The following BOD1 variants were observed in gnomAD, a reference collection of about 807,000 sequenced individuals.
The protein encoded by BOD1 is biorientation of chromosomes in cell division protein 1.
In BOD1, 11 loss-of-function variants were observed where a neutral mutation model predicts 15.7. The ratio of observed to expected loss-of-function variants is 0.70; its 90% confidence interval spans 0.44 to 1.16. The LOEUF is 1.16. Ranked by LOEUF, BOD1 falls within the 50% of genes most tolerant of loss-of-function variation. BOD1 has a pLI of 0.00. For missense variants in BOD1, 182 were observed against 244.5 expected, an observed-to-expected ratio of 0.74 and a Z score of 1.70; for synonymous variants, 105 against 103.5, an observed-to-expected ratio of 1.01 and a Z score of -0.09.
chr5:173,608,928 A>G (rs1431208530), intron 3 of BOD1, among the ~76,000 whole-genome samples: 4 of 152,224 alleles, frequency 2.6e-5, no homozygotes, highest in Admixed American at 1.3e-4. Context: ...AGACTCATTT[A>G]AACATTTCAG....
At chr5:173,609,736 T>A (rs1437812972) in intron 2 of BOD1, 4 of 319,280 alleles carry the variant, frequency 1.3e-5, no homozygotes, top group Non-Finnish European at 2.3e-5. Context: ...AATGACAGCA[T>A]GGTGAGAAAG....
rs371205653 is a variant in BOD1, at chr5:173,614,314, C to T, written c.238-1059G>A. Among the ~76,000 whole-genome samples, 12 of 152,246 alleles carry T rather than the reference C, an allele frequency of 7.9e-5. No homozygotes were observed. In the East Asian group the frequency reaches 1.2e-3, roughly 15 times the overall value. On this transcript the variant is annotated intron_variant, in intron 1 of 3. Coordinates refer to ENST00000311086, the MANE Select transcript of BOD1 (RefSeq NM_138369.3). ...ATAACGCACCTGGTTTGAGATGATA[C>T]GAACTGTTTACCGAAAAAGGACAAA...
chr5:173,614,880 T>A (rs1200877589), intron 1 of BOD1: 2 of 152,224 alleles, frequency 1.3e-5, no homozygotes, highest in African/African-American at 2.4e-5. Context: ...CGCATGAATG[T>A]CTTTGAGGGC....
intron 2 of BOD1, 140 bp downstream of exon 2, chr5:173,612,991 A>G: frequency 8.6e-7 from 1 of 1,165,326 alleles, no homozygotes; most frequent in Non-Finnish European, 1.2e-6. Context: ...TAATTATAAC[A>G]AAAGAGCAGA....
chr5:173,609,403 T>A lies in BOD1; in HGVS notation c.394A>T (p.Ile132Phe). 1 of 1,614,214 alleles carries A rather than the reference T, an allele frequency of 6.2e-7. No individual in the cohort carries two copies. The highest frequency in any genetic ancestry group is 1.6e-4 in the Middle Eastern group (1 of 6,062). Residue 132 changes from isoleucine to phenylalanine, a missense_variant, in exon 3 of 4, where the codon ATT becomes TTT. This residue lies in a region of BOD1 where 70 missense variants were observed against 130.3 expected (regional missense o/e 0.54). Coordinates refer to ENST00000311086, the MANE Select transcript of BOD1 (RefSeq NM_138369.3). ...SGMLEAGVDR[I>F]ISQVVDPKLN... is the part of the protein sequence containing the mutation. Reference sequence around the variant, plus strand: ...TTTGGATCCACCACCTGAGAAATAATCCTGTCTACTCCAGCTTCCAACATC... The same window carrying A: ...TTTGGATCCACCACCTGAGAAATAAACCTGTCTACTCCAGCTTCCAACATC...
intron 2 of BOD1, 31 bp downstream of exon 2, chr5:173,613,099 CT>C (rs1755397645): frequency 6.7e-7 from 1 of 1,492,428 alleles, no homozygotes; most frequent in Non-Finnish European, 9.0e-7. Context: ...TGATGACTGC[CT>C]TTTCAAAAGC....
At chr5:173,616,060 C>T in intron 1 of BOD1, 140 bp downstream of exon 1, 3 of 1,051,994 alleles carry the variant, frequency 2.9e-6, no homozygotes, top group Non-Finnish European at 4.1e-6. Context: ...GCTCTCCGTA[C>T]TGCCCCAAGC....
rs1415094459 is a variant in BOD1 at position 173,607,419 on chromosome 5, A to T, written c.*875T>A. ...AGTTTCATAGTTCCAAGTTATATGTACCAATCTTCACTGCCAGTAGATCAT... is the reference window on the plus strand; with the variant it reads ...AGTTTCATAGTTCCAAGTTATATGTTCCAATCTTCACTGCCAGTAGATCAT... On this transcript the variant is annotated 3_prime_UTR_variant, in exon 4 of 4. Transcript: ENST00000311086. 6.6e-6 allele frequency: 1 copy of T among 152,242 alleles called. No homozygotes were observed. The allele number at this position is 152,242 out of a possible 1,614,324, so 9.4% of individuals were successfully genotyped here.
Position 173,609,169 on chromosome 5 carries a change from A to G in BOD1, c.*1+69T>C. 5 of 1,439,802 alleles carry G rather than the reference A, an allele frequency of 3.5e-6. No homozygotes were observed. In the South Asian group the frequency reaches 6.9e-5, roughly 20 times the overall value. The allele number at this position is 1,439,802 out of a possible 1,614,324, so 89.2% of individuals were successfully genotyped here. ...ATGATCCTCAATTACGGCCTACCCCATTCCTATCCATTTTACATATCTACA... is the reference window on the plus strand; with the variant it reads ...ATGATCCTCAATTACGGCCTACCCCGTTCCTATCCATTTTACATATCTACA... On this transcript the variant is annotated intron_variant, in intron 3 of 3. Coordinates refer to ENST00000311086, the MANE Select transcript of BOD1 (RefSeq NM_138369.3).
Position 173,616,593 on chromosome 5 carries a change from C to T in BOD1, c.-157G>A. The stretch of plus-strand genomic sequence containing the variant: ...ATGGCGGCAGGGGCGGTGGTGGGGG[C>T]GGCGGCGGCGAAGGCCCCCTCTGAT... On this transcript the variant is annotated 5_prime_UTR_variant, in exon 1 of 4. Transcript: ENST00000311086. The T allele has an allele frequency of 2.2e-6, 3 of 1,348,374 alleles. No individual in the cohort carries two copies. Among genetic ancestry groups the T allele is most frequent in the Admixed American group, 4.0e-5 (1 of 24,768 alleles). The allele number at this position is 1,348,374 out of a possible 1,614,324, so 83.5% of individuals were successfully genotyped here.
chr5:173,610,509 C>T (rs181557766), intron 2 of BOD1, among the ~76,000 whole-genome samples: 90 of 152,286 alleles, frequency 5.9e-4, no homozygotes, highest in African/African-American at 2.0e-3. Flanking sequence ...AAATACACCA[C>T]CACTAGAGCA....
chr5:173,616,112 T>C, intron 1 of BOD1, 88 bp downstream of exon 1: 4 of 1,493,956 alleles, frequency 2.7e-6, no homozygotes, highest in Non-Finnish European at 3.6e-6. Context: ...CTATCTTTTG[T>C]TTTGCTCTCG....
Position 173,609,318 on chromosome 5 carries a change from TG to T in BOD1, c.478del (p.Gln160ArgfsTer34). On this transcript the variant is annotated frameshift_variant, in exon 3 of 4. Coordinates refer to ENST00000311086, the MANE Select transcript of BOD1 (RefSeq NM_138369.3). LOFTEE classifies it high-confidence loss of function. ...GGGTGCTGGCACAGCTGCTTTTTTC[TG>T]GGCCGCCAGGAACTCATGAATTGCT... Reference protein sequence around the residue: ...ERAIHEFLAAQKKAAVPAPPP... With the variant: ...ERAIHEFLAAXKKAAVPAPPP... 9 of 1,614,244 alleles carry T rather than the reference TG, an allele frequency of 5.6e-6. No homozygotes were observed. Among genetic ancestry groups the T allele is most frequent in the Non-Finnish European group, 7.6e-6 (9 of 1,180,046 alleles).
Position 173,609,134 on chromosome 5 carries a change from T to C in BOD1, c.*1+104A>G, listed in dbSNP as rs918441444. 78 of 1,240,140 alleles carry C rather than the reference T, an allele frequency of 6.3e-5. No homozygotes were observed. The East Asian group carries it at 1.8e-3, about 29-fold the overall frequency. 76.8% of individuals were successfully genotyped at this position (1,240,140 alleles called of 1,614,324 possible). A position where few individuals can be genotyped will look rare whatever the true frequency, so the allele number is the denominator to read the frequency against. ...GTAGGTGAAGTCCATCTGCAGTAAA[T>C]ACTTCCTGAATGATCCTCAATTACG... On this transcript the variant is annotated intron_variant, in intron 3 of 3. Coordinates refer to ENST00000311086, the MANE Select transcript of BOD1 (RefSeq NM_138369.3).
At chr5:173,611,226 C>A (rs764973613) in intron 2 of BOD1, among the ~76,000 whole-genome samples, 1 of 152,202 alleles carries the variant, frequency 6.6e-6, no homozygotes, top group African/African-American at 2.4e-5. Context: ...TGTACAGTTA[C>A]AAGAGTTATT....
Position 173,609,302 on chromosome 5 carries a change from C to T in BOD1, c.495G>A (p.Val165=), listed in dbSNP as rs1755285231. ...EFLAAQKKAA[V]PAPPPEPEGQ... is the part of the protein sequence containing the mutation. Reference sequence around the variant, plus strand: ...CTTCGGGCTCTGGAGGGGGTGCTGGCACAGCTGCTTTTTTCTGGGCCGCCA... The same window carrying T: ...CTTCGGGCTCTGGAGGGGGTGCTGGTACAGCTGCTTTTTTCTGGGCCGCCA... The change falls in exon 3 of 4, where the codon GTG becomes GTA. Residue 165 remains valine (V), a synonymous_variant. Coordinates refer to ENST00000311086, the MANE Select transcript of BOD1 (RefSeq NM_138369.3). 6.2e-7 allele frequency: 1 copy of T among 1,614,210 alleles called. No individual in the cohort carries two copies. Among genetic ancestry groups the T allele is most frequent in the Non-Finnish European group, 8.5e-7 (1 of 1,180,040 alleles).
chr5:173,609,559 TAG>T, intron 2 of BOD1, 125 bp from the exon 3 acceptor site: 1 of 947,524 alleles, frequency 1.1e-6, no homozygotes, highest in Non-Finnish European at 1.6e-6. Flanking sequence ...CTAGGGAGTT[TAG>T]AGGTCAATCC....
intron 1 of BOD1, among the ~76,000 whole-genome samples, chr5:173,615,501 T>G (rs1029301411): frequency 6.6e-6 from 1 of 152,196 alleles, no homozygotes; most frequent in African/African-American, 2.4e-5. Context: ...TAGACAAGTT[T>G]TGAAAAGGAA....
intron 3 of BOD1, 125 bp downstream of exon 3, chr5:173,609,113 G>A (rs768142970): frequency 1.9e-6 from 2 of 1,060,920 alleles, no homozygotes; most frequent in South Asian, 1.7e-5. Flanking sequence ...ATAACAGTAG[G>A]TGAAGTCCAT....
Sources: allele counts gnomAD v4.1 joint callset (sites outside exome capture counted in the v4.1 genomes callset), GRCh38; gene constraint gnomAD v4.1.1; regional missense constraint gnomAD v4.1.1; transcripts MANE v1.5; gene names NCBI Gene and HGNC (gene_info 2026-07-23, HGNC 2026-07-21).